Variants in ADAMTS14 observed in about 807,000 individuals in gnomAD.
ADAMTS14 encodes A disintegrin and metalloproteinase with thrombospondin motifs 14.
Under a neutral mutation model 128.6 loss-of-function variants are expected in ADAMTS14, and 100 were observed. That is an observed-to-expected ratio of 0.78 (90% CI 0.66 to 0.92). The LOEUF is 0.92. ADAMTS14 is among the 40% of genes least tolerant of loss of function. ADAMTS14 has a pLI of 0.00. For missense variants in ADAMTS14, 1,562 were observed against 1,658.6 expected (o/e 0.94, Z 1.01); for synonymous variants, 665 against 653.8 (o/e 1.02, Z -0.26).
chr10:70,676,034 G>C (rs559605087), intron 2 of ADAMTS14, among the ~76,000 whole-genome samples: 1 of 152,254 alleles, frequency 6.6e-6, no homozygotes, highest in South Asian at 2.1e-4. Flanking sequence ...TTTCGTGGCT[G>C]CCTCTGTCTA....
chr10:70,739,803 G>A lies in ADAMTS14; in HGVS notation c.1748+813G>A, dbSNP rs900759819. 3.9e-5 allele frequency among the ~76,000 whole-genome samples: 6 copies of A among 152,286 alleles called. 1 individual carries two copies. Among genetic ancestry groups the A allele is most frequent in the East Asian group, 3.9e-4 (2 of 5,184 alleles). On this transcript the variant is annotated intron_variant, in intron 11 of 21. Coordinates refer to ENST00000373207, the MANE Select transcript of ADAMTS14 (RefSeq NM_080722.4). ...GTGGTCATTCATACTGTTATTTATC[G>A]CTAGGGATGGGAAACTCACTGCCTA... is the stretch of plus-strand genomic sequence containing the variant.
chr10:70,708,124 C>T (rs773063242), intron 3 of ADAMTS14, among the ~76,000 whole-genome samples: 8 of 152,286 alleles, frequency 5.3e-5, no homozygotes, highest in Non-Finnish European at 1.0e-4. Flanking sequence ...AGGAGTATCC[C>T]GGAGTTCCTC....
In ADAMTS14 at chr10:70,735,150, T is replaced by A; in HGVS notation, c.1353-19T>A. On this transcript the variant is annotated intron_variant, in intron 8 of 21. Transcript: ENST00000373207. ...TTCCTGCTGTCAGCCTGGCTCACCT[T>A]CCTTGTCTCTACTGGCAGCTCCTAC... 6.2e-7 allele frequency: 1 copy of A among 1,605,362 alleles called. No homozygotes were observed. Among genetic ancestry groups the A allele is most frequent in the Non-Finnish European group, 8.5e-7 (1 of 1,173,556 alleles).
At chr10:70,719,073 G>A (rs1180603896) in intron 4 of ADAMTS14, among the ~76,000 whole-genome samples, 1 of 152,032 alleles carries the variant, frequency 6.6e-6, no homozygotes, top group Non-Finnish European at 1.5e-5. Context: ...GGGATGGGGT[G>A]CTACCGGCAT....
chr10:70,721,861 G>A (rs1453477501), intron 4 of ADAMTS14, among the ~76,000 whole-genome samples: 2 of 152,216 alleles, frequency 1.3e-5, no homozygotes, highest in Admixed American at 1.3e-4. Flanking sequence ...ATCGAGAGCA[G>A]GGATGGTGCC....
intron 9 of ADAMTS14, 21 bp from the exon 10 acceptor site, chr10:70,736,659 C>T: frequency 1.9e-6 from 3 of 1,609,468 alleles, no homozygotes; most frequent in South Asian, 2.2e-5. Context: ...AGTCTGGTGA[C>T]CCCATTCCCT....
chr10:70,726,878 G>A (rs905101579), intron 4 of ADAMTS14, among the ~76,000 whole-genome samples: 1 of 152,340 alleles, frequency 6.6e-6, no homozygotes, highest in Non-Finnish European at 1.5e-5. Flanking sequence ...TCCCACTGGG[G>A]AGGGGAGGAG....
At chr10:70,697,262 C>T (rs1301886274) in intron 2 of ADAMTS14, among the ~76,000 whole-genome samples, 1 of 152,216 alleles carries the variant, frequency 6.6e-6, no homozygotes, top group African/African-American at 2.4e-5. Context: ...TTGAAATAGC[C>T]CTTCTGGGCA....
chr10:70,739,019 G>A, intron 11 of ADAMTS14, 29 bp downstream of exon 11: 1 of 1,578,062 alleles, frequency 6.3e-7, no homozygotes, highest in African/African-American at 1.3e-5. Context: ...GGTGGGGAGG[G>A]CAGGGAGTCC....
rs142290262 is a variant in ADAMTS14 at position 70,751,558 on chromosome 10, C to T, written c.2508C>T (p.Ile836=). Residue 836 remains isoleucine, a synonymous_variant, in exon 17 of 22, where the codon ATC becomes ATT. Coordinates refer to ENST00000373207, the MANE Select transcript of ADAMTS14 (RefSeq NM_080722.4). ...TCCATGAGGACCTGCTGCCCCTTAT[C>T]GGGAGCAACAATGTGCTCCTGGAGG... ...YVIHEDLLPL[I]GSNNVLLEEM... The T allele has an allele frequency of 2.8e-4, 448 of 1,613,868 alleles. No individual in the cohort carries two copies. Among genetic ancestry groups the T allele is most frequent in the East Asian group, 2.1e-3 (92 of 44,870 alleles).
At chr10:70,709,149 A>G (rs1413259403) in intron 4 of ADAMTS14, among the ~76,000 whole-genome samples, 2 of 152,160 alleles carry the variant, frequency 1.3e-5, no homozygotes, top group East Asian at 1.9e-4. Context: ...TTGGAGTTGA[A>G]GGGACTCTTC....
At position 70,751,570 on chromosome 10, in the gene ADAMTS14, T is replaced by C. The variant is rs746008089; in HGVS notation, c.2520T>C (p.Asn840=). 3.3e-5 allele frequency: 53 copies of C among 1,613,680 alleles called. No homozygotes were observed. The highest frequency in any genetic ancestry group is 9.3e-5 in the African/African-American group (7 of 74,880). The change falls in exon 17 of 22, where the codon AAT becomes AAC. Residue 840 remains asparagine (N), a synonymous_variant. Transcript: ENST00000373207. Reference sequence around the variant, plus strand: ...TGCTGCCCCTTATCGGGAGCAACAATGTGCTCCTGGAGGAGATGGACACCT... The same window carrying C: ...TGCTGCCCCTTATCGGGAGCAACAACGTGCTCCTGGAGGAGATGGACACCT... The part of the protein sequence containing the change: ...EDLLPLIGSN[N]VLLEEMDTYE...
At chr10:70,699,771 G>A (rs370263775) in intron 2 of ADAMTS14, among the ~76,000 whole-genome samples, 3 of 152,208 alleles carry the variant, frequency 2.0e-5, no homozygotes, top group African/African-American at 4.8e-5. Flanking sequence ...GCCCCAGAAT[G>A]GGGGAGGGCC....
At chr10:70,756,462 C>T (rs773688492) in intron 19 of ADAMTS14, among the ~76,000 whole-genome samples, 5 of 152,072 alleles carry the variant, frequency 3.3e-5, no homozygotes, top group African/African-American at 4.8e-5. Flanking sequence ...CTGGCCCTGT[C>T]GCAATAAGCA....
At chr10:70,732,764 AC>A (rs1261702117) in intron 7 of ADAMTS14, among the ~76,000 whole-genome samples, 6 of 152,062 alleles carry the variant, frequency 3.9e-5, no homozygotes, top group African/African-American at 1.4e-4. Context: ...GATCCAGCCC[AC>A]CCTGATACTC....
chr10:70,702,439 C>A lies in ADAMTS14; in HGVS notation c.650C>A (p.Ala217Glu). ...CGGGAGGCCGTCCAGCAGGAGTGGG[C>A]AGAACCTGACGGGGACCTGCACAAT... ...YRREAVQQEW[A>E]EPDGDLHNEA... is the part of the protein sequence containing the mutation. Residue 217 changes from alanine (A) to glutamate (E), a missense_variant, in exon 3 of 22, where the codon GCA (alanine) becomes GAA (glutamate). By Grantham distance (107) the Ala-to-Glu change is moderately radical (BLOSUM62 -1). Transcript: ENST00000373207. The A allele has an allele frequency of 6.2e-7, 1 of 1,612,148 alleles. No individual in the cohort carries two copies. Among genetic ancestry groups the A allele is most frequent in the Non-Finnish European group, 8.5e-7 (1 of 1,179,036 alleles).
intron 3 of ADAMTS14, among the ~76,000 whole-genome samples, chr10:70,706,989 G>GGCAGGGCCCTCTGCCCCCTGTGCTGAA (rs1840687907): frequency 2.6e-5 from 4 of 152,150 alleles, no homozygotes; most frequent in African/African-American, 4.8e-5. Context: ...ATTGTGCAGG[G>GGCAGGGCCCTCTGCCCCCTGTGCTGAA]GCAGGGCCCT....
chr10:70,761,852 T>G lies in ADAMTS14; in HGVS notation c.*999T>G, dbSNP rs1842620314. ...GCTCAAGCTGGGCCAGAGTGTGTGG[T>G]TCTCCCAGGGGTGGTTGGACCCCAG... On this transcript the variant is annotated 3_prime_UTR_variant, in exon 22 of 22. Coordinates refer to ENST00000373207, the MANE Select transcript of ADAMTS14 (RefSeq NM_080722.4). 6.6e-6 allele frequency: 1 copy of G among 152,336 alleles called. No individual in the cohort carries two copies. The highest frequency in any genetic ancestry group is 1.5e-5 in the Non-Finnish European group (1 of 68,054). The allele number at this position is 152,336 out of a possible 1,614,324, so 9.4% of individuals were successfully genotyped here. A position where few individuals can be genotyped will look rare whatever the true frequency, so the allele number is the denominator to read the frequency against.
In ADAMTS14 at chr10:70,736,692, G is replaced by C; in HGVS notation, c.1498G>C (p.Glu500Gln). ...YQTCLAFRTF[E>Q]PCKQLWCSHP... ...CCTTGCCATGCAGTTCAGGACCTTT[G>C]AGCCCTGCAAGCAGCTGTGGTGCAG... The change falls in exon 10 of 22, where the codon GAG becomes CAG. Residue 500 changes from glutamate to glutamine, a missense_variant. By Grantham distance (29) the Glu-to-Gln change is conservative. Transcript: ENST00000373207. 1.2e-6 allele frequency: 2 copies of C among 1,613,804 alleles called. No individual in the cohort carries two copies. Among genetic ancestry groups the C allele is most frequent in the Non-Finnish European group, 1.7e-6 (2 of 1,179,818 alleles).
Sources: allele counts gnomAD v4.1 joint callset (sites outside exome capture counted in the v4.1 genomes callset), GRCh38; gene constraint gnomAD v4.1.1; transcripts MANE v1.5; gene names NCBI Gene and HGNC (gene_info 2026-07-23, HGNC 2026-07-21).